The following TRMT44 variants were observed in gnomAD, a reference collection of about 807,000 sequenced individuals.
TRMT44 encodes probable tRNA (uracil-O(2)-)-methyltransferase.
TRMT44 carries 78 observed loss-of-function variants against 77.3 expected under a neutral mutation model. The ratio of observed to expected loss-of-function variants is 1.01; its 90% CI spans 0.84 to 1.22. The LOEUF is 1.22. TRMT44 is among the 50% of genes most tolerant of loss of function. The pLI, the probability that TRMT44 is intolerant of heterozygous loss-of-function variation, is 0.00. For synonymous variants in TRMT44, 391 were observed against 383.3 expected, an observed-to-expected ratio of 1.02 and a Z score of -0.23; for missense variants, 1,090 against 964.4, an observed-to-expected ratio of 1.13 and a Z score of -1.73.
the TRMT44 span, among the ~76,000 whole-genome samples, chr4:8,500,321 A>G: frequency 6.6e-6 from 1 of 151,932 alleles, no homozygotes; most frequent in Non-Finnish European, 1.5e-5. Context: ...GTGTAACCCT[A>G]TCTCTACTAA....
intron 2 of TRMT44, among the ~76,000 whole-genome samples, chr4:8,491,708 A>G (rs1728012430): frequency 6.6e-6 from 1 of 152,200 alleles, no homozygotes; most frequent in South Asian, 2.1e-4. Flanking sequence ...CTCCGAGTGC[A>G]GGCCCGCCAA....
At chr4:8,502,402 C>T in the TRMT44 span, among the ~76,000 whole-genome samples, 1 of 152,232 alleles carries the variant, frequency 6.6e-6, no homozygotes, top group African/African-American at 2.4e-5. Flanking sequence ...AAAACTACAA[C>T]GAACTTAGTG....
downstream of TRMT44, chr4:8,477,822 G>C (rs1727466653): frequency 6.6e-6 from 1 of 152,644 alleles, no homozygotes; most frequent in African/African-American, 2.4e-5. Flanking sequence ...AGGAAGGGCT[G>C]AGGCCAACCA....
At chr4:8,470,957 G>A (rs1166983910) in intron 9 of TRMT44, 127 bp from the exon 10 acceptor site, 7 of 659,656 alleles carry the variant, frequency 1.1e-5, no homozygotes, top group East Asian at 2.8e-5. Context: ...AGATGGAATC[G>A]TCCTTCGTGC....
the TRMT44 span, among the ~76,000 whole-genome samples, chr4:8,504,594 G>A: frequency 1.3e-5 from 2 of 152,122 alleles, no homozygotes; most frequent in African/African-American, 4.8e-5. The surrounding 1 kb of genome is among the most constrained non-coding windows in gnomAD (Gnocchi z 5.3). Flanking sequence ...GTGGACCTGC[G>A]CCAAGTCTGT....
rs369182242 is a variant in TRMT44, at chr4:8,454,811, G to C, written c.1201G>C (p.Glu401Gln). 15 of 1,614,076 alleles carry C rather than the reference G, an allele frequency of 9.3e-6. No individual in the cohort carries two copies. The highest frequency in any genetic ancestry group is 1.7e-5 in the Admixed American group (1 of 60,008). ...CATGTATGGACCACAAACTCAGTTA[G>C]AGGTACCGTCTTTATTACGCATGCC... ...WDMYGPQTQLEEDAITPNDKT... is the reference protein window; with the variant it reads ...WDMYGPQTQLQEDAITPNDKT... Residue 401 changes from glutamate to glutamine, a missense_variant and splice_region_variant, in exon 6 of 11, where the codon GAG becomes CAG. Transcript: ENST00000389737.
intron 2 of TRMT44, among the ~76,000 whole-genome samples, chr4:8,487,776 C>T (rs1727863814): frequency 6.6e-6 from 1 of 152,112 alleles, no homozygotes; most frequent in African/African-American, 2.4e-5. Context: ...GGTTGGGGTA[C>T]TTACCCCTCC....
chr4:8,461,378 C>T lies in TRMT44; in HGVS notation c.1204-2607C>T, dbSNP rs1340459299. On this transcript the variant is annotated intron_variant, in intron 6 of 10. Transcript: ENST00000389737. The surrounding 1 kb of genome is among the most constrained non-coding windows in gnomAD (Gnocchi z 4.6). The stretch of plus-strand genomic sequence containing the variant: ...TAAACTTGGCTATGAAGTTAATGAT[C>T]AAAGCTAAAGCAGTAGTGGTGTGGT... 1.3e-5 allele frequency among the ~76,000 whole-genome samples: 2 copies of T among 152,130 alleles called. No homozygotes were observed. The highest frequency in any genetic ancestry group is 3.9e-4 in the East Asian group (2 of 5,190).
chr4:8,470,558 C>G (rs1044573306), intron 9 of TRMT44, among the ~76,000 whole-genome samples: 2 of 152,238 alleles, frequency 1.3e-5, no homozygotes, highest in African/African-American at 4.8e-5. Flanking sequence ...AGCAGAAATT[C>G]GAATGGGAAA....
the TRMT44 span, chr4:8,510,541 G>A: frequency 6.5e-6 from 1 of 152,846 alleles, no homozygotes. Context: ...GATTTGCACT[G>A]GGATATCTTG....
the TRMT44 span, among the ~76,000 whole-genome samples, chr4:8,502,957 A>C: frequency 3.9e-5 from 6 of 152,352 alleles, no homozygotes; most frequent in East Asian, 1.2e-3. Flanking sequence ...AGACACAGGC[A>C]CACACAGACT....
At chr4:8,513,778 A>G in the TRMT44 span, among the ~76,000 whole-genome samples, 1 of 152,214 alleles carries the variant, frequency 6.6e-6, no homozygotes, top group African/African-American at 2.4e-5. Context: ...AAACATGGAA[A>G]GGTGTCTCAT....
chr4:8,484,226 T>C (rs941934404), intron 2 of TRMT44, among the ~76,000 whole-genome samples: 2 of 151,946 alleles, frequency 1.3e-5, no homozygotes, highest in Admixed American at 6.6e-5. Context: ...GAACGTCAGG[T>C]GGATCAGAGA....
At chr4:8,514,877 C>T in the TRMT44 span, among the ~76,000 whole-genome samples, 1 of 152,236 alleles carries the variant, frequency 6.6e-6, no homozygotes, top group Non-Finnish European at 1.5e-5. Flanking sequence ...AGCACACAGG[C>T]ATGTTGGGAG....
chr4:8,510,506 A>C, the TRMT44 span: 1 of 152,786 alleles, frequency 6.5e-6, no homozygotes, highest in African/African-American at 2.4e-5. Flanking sequence ...TGGCCACGCA[A>C]CCTAACATAG....
At chr4:8,508,356 G>A in the TRMT44 span, among the ~76,000 whole-genome samples, 2 of 152,342 alleles carry the variant, frequency 1.3e-5, no homozygotes, top group East Asian at 1.9e-4. Flanking sequence ...TTGGCCTGCC[G>A]GGCCCTGAGG....
At position 8,444,775 on chromosome 4, in the gene TRMT44, G is replaced by A. The variant is rs111499568; in HGVS notation, c.620-1701G>A. ...ACAAAGGATAAATGTTTGAGGGGAT[G>A]GATGCCCCATTCTCCATGATGTGAT... On this transcript the variant is annotated intron_variant, in intron 1 of 10. Coordinates refer to ENST00000389737, the MANE Select transcript of TRMT44 (RefSeq NM_152544.3). The surrounding 1 kb of genome is among the most constrained non-coding windows in gnomAD (Gnocchi z 4.0). 3.3e-5 allele frequency among the ~76,000 whole-genome samples: 5 copies of A among 152,330 alleles called. 1 individual carries two copies. Among genetic ancestry groups the A allele is most frequent in the African/African-American group, 1.2e-4 (5 of 41,562 alleles).
chr4:8,488,552 G>A (rs528870752), intron 2 of TRMT44, among the ~76,000 whole-genome samples: 8 of 152,324 alleles, frequency 5.3e-5, no homozygotes, highest in South Asian at 2.1e-4. Context: ...GGCAAGGACC[G>A]GCCATTTACA....
chr4:8,493,111 T>A (rs1728058360), intron 2 of TRMT44, among the ~76,000 whole-genome samples: 1 of 152,248 alleles, frequency 6.6e-6, no homozygotes, highest in Non-Finnish European at 1.5e-5. Flanking sequence ...AGTCCCTGCC[T>A]GCCTGAGGAT....
Sources: allele counts gnomAD v4.1 joint callset (sites outside exome capture counted in the v4.1 genomes callset), GRCh38; gene constraint gnomAD v4.1.1; non-coding constraint Gnocchi (gnomAD v3.1); transcripts MANE v1.5; gene names NCBI Gene and HGNC (gene_info 2026-07-23, HGNC 2026-07-21).